The following SLC41A2 variants were observed in gnomAD, a reference collection of about 807,000 sequenced individuals.
SLC41A2 encodes the protein SLC41A1-like 1.
SLC41A2 carries 32 observed loss-of-function variants against 58.3 expected under a neutral mutation model. The observed-to-expected ratio is 0.55, with a 90% CI of 0.41 to 0.74. The LOEUF (loss-of-function observed/expected upper bound fraction) is 0.74, where lower values mean the gene tolerates loss of function less well. SLC41A2 is among the 30% of genes least tolerant of loss of function. The pLI, the probability that SLC41A2 is intolerant of heterozygous loss-of-function variation, is 0.00. For synonymous variants in SLC41A2, 190 were observed against 235.0 expected (o/e 0.81, Z 1.75); for missense variants, 514 against 680.6 (o/e 0.76, Z 2.72).
intron 10 of SLC41A2, among the ~76,000 whole-genome samples, chr12:104,813,954 A>G (rs1446375927): frequency 2.0e-5 from 3 of 152,220 alleles, no homozygotes; most frequent in African/African-American, 4.8e-5. Context: ...CTGTTAAAAA[A>G]TTGAAATAGA....
At chr12:104,886,161 A>C in intron 6 of SLC41A2, 132 bp downstream of exon 6, 4 of 878,562 alleles carry the variant, frequency 4.6e-6, no homozygotes, top group Non-Finnish European at 6.7e-6. Context: ...AACAAATGAT[A>C]GTTATCCTAA....
intron 2 of SLC41A2, among the ~76,000 whole-genome samples, chr12:104,926,394 A>G: frequency 6.6e-6 from 1 of 152,094 alleles, no homozygotes; most frequent in East Asian, 1.9e-4. Context: ...TGAGGTCAGG[A>G]GATTGAGACC....
chr12:104,880,609 G>T (rs1211227723), intron 6 of SLC41A2, among the ~76,000 whole-genome samples: 2 of 152,176 alleles, frequency 1.3e-5, no homozygotes, highest in Non-Finnish European at 2.9e-5. Context: ...TTAATATGAT[G>T]GATTAAGTTT....
At chr12:104,884,314 C>G (rs1007910892) in intron 6 of SLC41A2, among the ~76,000 whole-genome samples, 1 of 152,190 alleles carries the variant, frequency 6.6e-6, no homozygotes, top group African/African-American at 2.4e-5. Flanking sequence ...GGCAGTGCCC[C>G]ACCCTGCTTC....
At chr12:104,851,449 T>C (rs1204480238) in intron 8 of SLC41A2, among the ~76,000 whole-genome samples, 2 of 152,250 alleles carry the variant, frequency 1.3e-5, no homozygotes, top group Non-Finnish European at 2.9e-5. Flanking sequence ...AGTTGCGTCA[T>C]TGTGGCTCAC....
chr12:104,939,071 G>A (rs1289373422), intron 1 of SLC41A2, among the ~76,000 whole-genome samples: 1 of 152,184 alleles, frequency 6.6e-6, no homozygotes, highest in Non-Finnish European at 1.5e-5. Flanking sequence ...AACACATTTA[G>A]ATTTATGGAA....
chr12:104,860,873 C>A (rs1217825033), intron 8 of SLC41A2, among the ~76,000 whole-genome samples: 1 of 152,086 alleles, frequency 6.6e-6, no homozygotes, highest in East Asian at 1.9e-4. Flanking sequence ...CTGTGCCCAC[C>A]CCAGATTTTA....
chr12:104,852,716 T>G (rs1565841546), intron 8 of SLC41A2, among the ~76,000 whole-genome samples: 1 of 152,286 alleles, frequency 6.6e-6, no homozygotes, highest in Non-Finnish European at 1.5e-5. Flanking sequence ...GTGAATAAAA[T>G]TTTTAAGTAA....
chr12:104,881,975 C>T lies in SLC41A2; in HGVS notation c.1027+4318G>A, dbSNP rs183974090. On this transcript the variant is annotated intron_variant, in intron 6 of 10. Transcript: ENST00000258538. ...AAGTCTCTTTGTAGGTCTCTCAGGACTTGCTTTATGAATCTGGGTGCTCCT... is the reference window on the plus strand; with the variant it reads ...AAGTCTCTTTGTAGGTCTCTCAGGATTTGCTTTATGAATCTGGGTGCTCCT... Among the ~76,000 whole-genome samples the T allele has an allele frequency of 3.1e-3, 465 of 152,246 alleles. 1 individual carries two copies. The highest frequency in any genetic ancestry group is 5.0e-3 in the Admixed American group (76 of 15,288).
intron 8 of SLC41A2, among the ~76,000 whole-genome samples, chr12:104,860,028 C>A (rs12314694): frequency 0.051 from 7,691 of 152,154 alleles, 428 homozygotes; most frequent in African/African-American, 0.15. Flanking sequence ...CAGGGATGAG[C>A]CACCGTGCCC....
At chr12:104,849,051 G>T (rs1250099144) in intron 8 of SLC41A2, among the ~76,000 whole-genome samples, 1 of 152,082 alleles carries the variant, frequency 6.6e-6, no homozygotes, top group Non-Finnish European at 1.5e-5. Flanking sequence ...CTCATATCAT[G>T]CACAAAAATA....
chr12:104,926,510 C>T (rs1185727693), intron 2 of SLC41A2, among the ~76,000 whole-genome samples: 1 of 151,812 alleles, frequency 6.6e-6, no homozygotes, highest in Non-Finnish European at 1.5e-5. Flanking sequence ...ATCACTTGAA[C>T]TTGGGAGGTG....
intron 10 of SLC41A2, among the ~76,000 whole-genome samples, chr12:104,822,359 C>T (rs890824762): frequency 2.6e-5 from 4 of 152,104 alleles, no homozygotes; most frequent in Non-Finnish European, 5.9e-5. Context: ...TTCAAATAGG[C>T]CTTCTGCAGG....
chr12:104,827,049 A>C (rs1479048547), intron 10 of SLC41A2, among the ~76,000 whole-genome samples: 1 of 152,246 alleles, frequency 6.6e-6, no homozygotes, highest in Non-Finnish European at 1.5e-5. Flanking sequence ...TGTAGAACTA[A>C]GACCAAGCCT....
chr12:104,923,129 G>A (rs1049658518), intron 2 of SLC41A2, among the ~76,000 whole-genome samples: 2 of 149,682 alleles, frequency 1.3e-5, no homozygotes, highest in East Asian at 1.9e-4. Flanking sequence ...TTGGGAGGCC[G>A]AGGCGTGTGG....
At position 104,805,330 on chromosome 12, in the gene SLC41A2, G is replaced by C. The variant is rs772790316; in HGVS notation, c.1544C>G (p.Thr515Ser). ...YLFGAVLQVF[T>S]LLWIADWMVH... ...CATCCAGTCAGCAATCCACAGCAAG[G>C]TAAATACCTAGAAGAGAACAACAGA... Residue 515 changes from threonine to serine, a missense_variant, in exon 11 of 11, where the codon ACC becomes AGC. Physicochemically the swap from Thr to Ser is moderately conservative, Grantham distance 58. Coordinates refer to ENST00000258538, the MANE Select transcript of SLC41A2 (RefSeq NM_001352171.3). 1.2e-6 allele frequency: 2 copies of C among 1,612,962 alleles called. No individual in the cohort carries two copies. The highest frequency in any genetic ancestry group is 1.7e-6 in the Non-Finnish European group (2 of 1,179,444).
chr12:104,846,733 C>T (rs1029697859), intron 8 of SLC41A2, among the ~76,000 whole-genome samples: 11 of 152,172 alleles, frequency 7.2e-5, no homozygotes, highest in Non-Finnish European at 1.5e-4. Flanking sequence ...CAGCCCTCCA[C>T]GCTTCACACT....
chr12:104,855,156 T>C (rs2042974254), intron 8 of SLC41A2, among the ~76,000 whole-genome samples: 1 of 152,230 alleles, frequency 6.6e-6, no homozygotes. Context: ...CATTGTCAAT[T>C]AATTAATATG....
chr12:104,916,510 C>A (rs530379448), intron 2 of SLC41A2, among the ~76,000 whole-genome samples: 1 of 151,968 alleles, frequency 6.6e-6, no homozygotes, highest in Admixed American at 6.6e-5. Context: ...GAGCCCGCAT[C>A]GCCAAGTCAA....
Sources: allele counts gnomAD v4.1 joint callset (sites outside exome capture counted in the v4.1 genomes callset), GRCh38; gene constraint gnomAD v4.1.1; transcripts MANE v1.5; gene names NCBI Gene and HGNC (gene_info 2026-07-23, HGNC 2026-07-21).